DSC3: variants seen among roughly 807,000 people sequenced by gnomAD.
DSC3 encodes desmocollin 3, also known as desmocollin-3.
Under a neutral mutation model 89.5 loss-of-function variants are expected in DSC3, and 97 were observed. The ratio of observed to expected loss-of-function variants is 1.08; its 90% CI spans 0.92 to 1.28. The LOEUF (loss-of-function observed/expected upper bound fraction) is 1.28, where lower values mean the gene tolerates loss of function less well. Among genes scored for constraint, DSC3 ranks in the 50% most tolerant of loss-of-function variants. The pLI is 0.00. For synonymous variants in DSC3, 436 were observed against 384.1 expected (o/e 1.14, Z -1.58); for missense variants, 1,199 against 1,085.3 (o/e 1.10, Z -1.47).
chr18:31,042,714 G>C lies in DSC3; in HGVS notation c.-54C>G. On this transcript the variant is annotated 5_prime_UTR_variant, in exon 1 of 16. Transcript: ENST00000360428. ...CGGGCGCCGGGAGGGTGCCGAGAGC[G>C]AGACCTGCCGAGGTGCAGGGCGCGG... 2 of 1,498,270 alleles carry C rather than the reference G, an allele frequency of 1.3e-6. No individual in the cohort carries two copies. Among genetic ancestry groups the C allele is most frequent in the South Asian group, 1.2e-5 (1 of 81,580 alleles). The allele number at this position is 1,498,270 out of a possible 1,614,324, so 92.8% of individuals were successfully genotyped here.
At position 30,994,080 on chromosome 18, in the gene DSC3, T is replaced by A; in HGVS notation, c.*95A>T. ...GCATAATTCAAAATTGAGAAAAAAA[T>A]CATCATATACATACATGTTGAAATT... On this transcript the variant is annotated 3_prime_UTR_variant, in exon 16 of 16. Transcript: ENST00000360428. 8.3e-7 allele frequency: 1 copy of A among 1,207,820 alleles called. No individual in the cohort carries two copies. The highest frequency in any genetic ancestry group is 1.3e-5 in the South Asian group (1 of 76,418). 74.8% of individuals were successfully genotyped at this position (1,207,820 alleles called of 1,614,324 possible). A position where few individuals can be genotyped will look rare whatever the true frequency, so the allele number is the denominator to read the frequency against.
intron 7 of DSC3, among the ~76,000 whole-genome samples, chr18:31,019,349 A>C (rs113810217): frequency 0.017 from 2,567 of 152,224 alleles, 85 homozygotes; most frequent in African/African-American, 0.058. Context: ...TCGGGCTCCC[A>C]AAGTGCTAGG....
intron 7 of DSC3, among the ~76,000 whole-genome samples, chr18:31,021,769 A>C (rs1617054): frequency 0.51 from 77,818 of 151,536 alleles, 20,869 homozygotes; most frequent in East Asian, 0.88. Context: ...ATTTATAGAT[A>C]GGATATAACA....
chr18:31,036,070 C>T (rs1985959031), intron 1 of DSC3, among the ~76,000 whole-genome samples: 1 of 152,146 alleles, frequency 6.6e-6, no homozygotes, highest in Non-Finnish European at 1.5e-5. Context: ...TTACAAATGA[C>T]ACTATATGAA....
intron 13 of DSC3, among the ~76,000 whole-genome samples, chr18:31,002,503 C>T (rs1273587770): frequency 6.6e-6 from 1 of 151,890 alleles, no homozygotes; most frequent in Non-Finnish European, 1.5e-5. Context: ...GAGTTCGAGA[C>T]AAGACTGACC....
rs1984213342 is a variant in DSC3 at position 30,990,870 on chromosome 18, A to G, written c.*3305T>C. On this transcript the variant is annotated 3_prime_UTR_variant, in exon 16 of 16. Transcript: ENST00000360428. The stretch of plus-strand genomic sequence containing the variant: ...TACTCATCTGTAAAGCTGTGCTTCA[A>G]AATAGTGATCTCTTCCCAACATTAC... 6.6e-6 allele frequency: 1 copy of G among 152,204 alleles called. No homozygotes were observed. Among genetic ancestry groups the G allele is most frequent in the African/African-American group, 2.4e-5 (1 of 41,444 alleles). 9.4% of individuals were successfully genotyped at this position (152,204 alleles called of 1,614,324 possible).
chr18:31,033,224 A>T (rs879671292), intron 1 of DSC3, among the ~76,000 whole-genome samples: 5 of 152,228 alleles, frequency 3.3e-5, no homozygotes, highest in Non-Finnish European at 7.3e-5. Context: ...ATTAATTTAC[A>T]GATTCAATAC....
chr18:31,025,749 A>T lies in DSC3; in HGVS notation c.630+11T>A, dbSNP rs202439. The T allele has an allele frequency of 0.45, 727,159 of 1,610,672 alleles. 171,814 individuals are homozygous for T. Among genetic ancestry groups the T allele is most frequent in the East Asian group, 0.89 (39,766 of 44,760 alleles). ...ATAATTTAAAGTCAGGCATATCAAT[A>T]AAAGTCCTACATCAAAAACATCATA... On this transcript the variant is annotated intron_variant, in intron 5 of 15. Coordinates refer to ENST00000360428, the MANE Select transcript of DSC3 (RefSeq NM_001941.5).
In DSC3 at chr18:30,997,310, G is replaced by T. The variant is rs187480462; in HGVS notation, c.2236-262C>A. On this transcript the variant is annotated intron_variant, in intron 14 of 15. Transcript: ENST00000360428. Reference sequence around the variant, plus strand: ...CAGTTATGAAGTCTGGGAAGTCCAAGATCAAGGAGTTCACATTTGGCGAGG... The same window carrying T: ...CAGTTATGAAGTCTGGGAAGTCCAATATCAAGGAGTTCACATTTGGCGAGG... Among the ~76,000 whole-genome samples, 47 of 152,280 alleles carry T rather than the reference G, an allele frequency of 3.1e-4. 1 individual carries two copies. The highest frequency in any genetic ancestry group is 1.1e-3 in the African/African-American group (46 of 41,554).
intron 6 of DSC3, 33 bp from the exon 7 acceptor site, chr18:31,022,535 T>C (rs761663621): frequency 6.2e-7 from 1 of 1,611,454 alleles, no homozygotes; most frequent in Non-Finnish European, 8.5e-7. Context: ...GCCTTTAATT[T>C]ACAGAATTGT....
chr18:31,019,604 G>A (rs1314185888), intron 7 of DSC3, among the ~76,000 whole-genome samples: 1 of 152,068 alleles, frequency 6.6e-6, no homozygotes, highest in African/African-American at 2.4e-5. Context: ...ACAGACATGG[G>A]CAATATAGCA....
intron 1 of DSC3, among the ~76,000 whole-genome samples, chr18:31,040,760 A>G (rs1986104252): frequency 6.6e-6 from 1 of 152,236 alleles, no homozygotes; most frequent in South Asian, 2.1e-4. Flanking sequence ...TCTCTATAAA[A>G]TGAAAAATGT....
intron 1 of DSC3, among the ~76,000 whole-genome samples, chr18:31,032,652 A>G (rs532386707): frequency 3.3e-5 from 5 of 150,132 alleles, no homozygotes; most frequent in Admixed American, 2.0e-4. Flanking sequence ...CTGGAGTGCA[A>G]TGGCGTGATC....
chr18:31,028,099 A>T (rs568609073), intron 4 of DSC3, among the ~76,000 whole-genome samples: 7 of 152,162 alleles, frequency 4.6e-5, no homozygotes, highest in Non-Finnish European at 1.0e-4. Context: ...CATGAAAAAA[A>T]TAGTATTTAG....
At chr18:31,042,095 A>T (rs1269239439) in intron 1 of DSC3, among the ~76,000 whole-genome samples, 1 of 151,970 alleles carries the variant, frequency 6.6e-6, no homozygotes, top group Non-Finnish European at 1.5e-5. Context: ...CCACCAAGGG[A>T]CCCAGGGACA....
intron 9 of DSC3, among the ~76,000 whole-genome samples, chr18:31,011,145 A>G (rs927294657): frequency 6.6e-6 from 1 of 152,188 alleles, no homozygotes; most frequent in Non-Finnish European, 1.5e-5. Flanking sequence ...TTCTGTCTAC[A>G]CTACATCCTA....
Position 31,042,719 on chromosome 18 carries a change from C to G in DSC3, c.-59G>C. On this transcript the variant is annotated 5_prime_UTR_variant, in exon 1 of 16. Coordinates refer to ENST00000360428, the MANE Select transcript of DSC3 (RefSeq NM_001941.5). ...GCCGGGAGGGTGCCGAGAGCGAGAC[C>G]TGCCGAGGTGCAGGGCGCGGGAGGT... 6.7e-7 allele frequency: 1 copy of G among 1,485,536 alleles called. No individual in the cohort carries two copies. The highest frequency in any genetic ancestry group is 9.1e-7 in the Non-Finnish European group (1 of 1,095,630). 92.0% of individuals were successfully genotyped at this position (1,485,536 alleles called of 1,614,324 possible).
chr18:31,042,525 C>A, intron 1 of DSC3, 67 bp downstream of exon 1: 6 of 1,470,114 alleles, frequency 4.1e-6, no homozygotes, highest in Non-Finnish European at 5.6e-6. Context: ...TCCCCAGCTC[C>A]GTGCAGCGTC....
chr18:31,026,616 A>G (rs1031129792), intron 4 of DSC3, among the ~76,000 whole-genome samples: 4 of 152,116 alleles, frequency 2.6e-5, no homozygotes, highest in Non-Finnish European at 4.4e-5. Flanking sequence ...TACAGCCATC[A>G]GAATTTGCTG....
Sources: gnomAD v4.1 joint callset for allele counts (sites outside exome capture counted in the v4.1 genomes callset) on GRCh38, gnomAD v4.1.1 for gene constraint, MANE v1.5 for transcripts, NCBI Gene and HGNC (gene_info 2026-07-23, HGNC 2026-07-21) for gene names.